Variants in TMEM131 observed in about 807,000 individuals in gnomAD.
The protein encoded by TMEM131 is 2610524E03Rik.
In TMEM131, 66 loss-of-function variants were observed where a neutral mutation model predicts 211.6. The ratio of observed to expected loss-of-function variants is 0.31; its 90% confidence interval spans 0.26 to 0.38. The LOEUF (loss-of-function observed/expected upper bound fraction) is 0.38, where lower values mean the gene tolerates loss of function less well. Among genes scored for constraint, TMEM131 ranks in the 10% least tolerant of loss-of-function variants. The pLI, the probability that TMEM131 is intolerant of heterozygous loss-of-function variation, is 1.00. For missense variants in TMEM131, 2,036 were observed against 2,299.3 expected (o/e 0.89, Z 2.34); for synonymous variants, 844 against 841.3 (o/e 1.00, Z -0.06).
intron 1 of TMEM131, among the ~76,000 whole-genome samples, chr2:97,957,215 A>C (rs1678612048): frequency 6.6e-6 from 1 of 152,210 alleles, no homozygotes; most frequent in Non-Finnish European, 1.5e-5. Flanking sequence ...AAGACACCAA[A>C]TTTGGCAACT....
At chr2:97,893,167 T>A (rs913288510) in intron 3 of TMEM131, among the ~76,000 whole-genome samples, 29 of 152,316 alleles carry the variant, frequency 1.9e-4, no homozygotes, top group African/African-American at 7.0e-4. Flanking sequence ...TTGTGTTAGT[T>A]TGCTGAGAAT....
intron 4 of TMEM131, 45 bp downstream of exon 4, chr2:97,888,007 T>G (rs1306359624): frequency 7.0e-7 from 1 of 1,432,550 alleles, no homozygotes; most frequent in Admixed American, 1.7e-5. Context: ...TAAAATACAT[T>G]TAATAGTTTA....
Position 97,995,701 on chromosome 2 carries a change from C to A in TMEM131, c.-39G>T, listed in dbSNP as rs886529005. 3.4e-6 allele frequency: 4 copies of A among 1,177,006 alleles called. No homozygotes were observed. Among genetic ancestry groups the A allele is most frequent in the South Asian group, 8.4e-5 (2 of 23,838 alleles). The allele number at this position is 1,177,006 out of a possible 1,614,324, so 72.9% of individuals were successfully genotyped here. On this transcript the variant is annotated 5_prime_UTR_variant, in exon 1 of 41. Coordinates refer to ENST00000186436, the MANE Select transcript of TMEM131 (RefSeq NM_015348.2). ...GGGCCGCCGCGCTCGAGGTCCGGCG[C>A]GGCCCTTCTCGGCGAGGCGGCGGCG...
intron 25 of TMEM131, among the ~76,000 whole-genome samples, chr2:97,797,741 G>A (rs1419589712): frequency 6.6e-6 from 1 of 152,216 alleles, no homozygotes; most frequent in African/African-American, 2.4e-5. Context: ...TTCTTCCCCA[G>A]GTCACCAAAT....
At chr2:97,880,674 G>A (rs1674888650) in intron 4 of TMEM131, among the ~76,000 whole-genome samples, 1 of 152,122 alleles carries the variant, frequency 6.6e-6, no homozygotes, top group African/African-American at 2.4e-5. Context: ...TGAGTTTAGT[G>A]TGGTGTTGGA....
chr2:97,828,560 C>CA (rs1682508129), intron 11 of TMEM131, among the ~76,000 whole-genome samples: 1 of 152,196 alleles, frequency 6.6e-6, no homozygotes, highest in Non-Finnish European at 1.5e-5. Flanking sequence ...AAGGATTTCT[C>CA]AGACAGTTTG....
chr2:97,987,363 C>CGTGGTGGCACACACCTGTAGTCCCA (rs1404140458), intron 1 of TMEM131, among the ~76,000 whole-genome samples: 1 of 152,056 alleles, frequency 6.6e-6, no homozygotes, highest in Admixed American at 6.6e-5. Flanking sequence ...ATTAGCTGAG[C>CGTGGTGGCACACACCTGTAGTCCCA]GTGGTGGCAC....
At chr2:97,793,776 C>T (rs934037383) in intron 29 of TMEM131, among the ~76,000 whole-genome samples, 1 of 151,486 alleles carries the variant, frequency 6.6e-6, no homozygotes, top group African/African-American at 2.4e-5. Context: ...GGGTGGATCA[C>T]GAGGTCAGGA....
intron 3 of TMEM131, among the ~76,000 whole-genome samples, chr2:97,895,298 C>T (rs112085565): frequency 0.029 from 4,451 of 152,192 alleles, 81 homozygotes; most frequent in Middle Eastern, 0.065. Flanking sequence ...CTTCTCGCAT[C>T]GATGTTCATT....
At chr2:97,911,786 G>T in intron 2 of TMEM131, 2 of 327,688 alleles carry the variant, frequency 6.1e-6, no homozygotes, top group Non-Finnish European at 8.7e-6. Flanking sequence ...CTCAGAACAT[G>T]CCAACACATC....
rs184948938 is a variant in TMEM131 at position 97,796,301 on chromosome 2, G to A, written c.3117C>T (p.Tyr1039=). The change falls in exon 28 of 41, where the codon TAC becomes TAT. Residue 1039 remains tyrosine, a synonymous_variant. Coordinates refer to ENST00000186436, the MANE Select transcript of TMEM131 (RefSeq NM_015348.2). ...CTTTAAAGCCATATCCTTCACATGAGTATCCACTGATTTCAATGGTTTCTA... is the reference window on the plus strand; with the variant it reads ...CTTTAAAGCCATATCCTTCACATGAATATCCACTGATTTCAATGGTTTCTA... ...IHIETIEISG[Y]SCEGYGFKVV... is the part of the protein sequence containing the mutation. 7 of 1,565,132 alleles carry A rather than the reference G, an allele frequency of 4.5e-6. No homozygotes were observed. Among genetic ancestry groups the A allele is most frequent in the South Asian group, 2.4e-5 (2 of 84,000 alleles).
chr2:97,962,229 C>A (rs186687867), intron 1 of TMEM131, among the ~76,000 whole-genome samples: 1 of 152,144 alleles, frequency 6.6e-6, no homozygotes, highest in East Asian at 1.9e-4. Flanking sequence ...GGCTGCCTGG[C>A]GCAGTGGCTC....
intron 4 of TMEM131, among the ~76,000 whole-genome samples, chr2:97,881,157 G>C (rs932487147): frequency 2.6e-5 from 4 of 152,100 alleles, no homozygotes; most frequent in African/African-American, 9.7e-5. Context: ...ACCCCTCACT[G>C]ATTGCAAGAT....
intron 32 of TMEM131, among the ~76,000 whole-genome samples, chr2:97,774,000 T>C (rs1313167566): frequency 2.0e-5 from 3 of 152,212 alleles, no homozygotes; most frequent in South Asian, 4.1e-4. Context: ...AGGGGAGCTA[T>C]AGGCATGTGG....
chr2:97,876,500 C>A (rs1438209353), intron 4 of TMEM131, among the ~76,000 whole-genome samples: 1 of 152,186 alleles, frequency 6.6e-6, no homozygotes, highest in Non-Finnish European at 1.5e-5. Flanking sequence ...AGCTTATCCA[C>A]CACGATCAAG....
chr2:97,846,243 C>T (rs1683424662), intron 5 of TMEM131, among the ~76,000 whole-genome samples: 1 of 152,150 alleles, frequency 6.6e-6, no homozygotes, highest in African/African-American at 2.4e-5. Flanking sequence ...CACATAAAGA[C>T]TTGAAAAGTA....
intron 4 of TMEM131, among the ~76,000 whole-genome samples, chr2:97,862,552 T>C (rs990665650): frequency 3.9e-5 from 6 of 151,976 alleles, no homozygotes; most frequent in Admixed American, 3.9e-4. Flanking sequence ...TTAAAAACAA[T>C]CAAGCAGAAA....
At chr2:97,851,901 A>G (rs1673640602) in intron 5 of TMEM131, among the ~76,000 whole-genome samples, 1 of 152,234 alleles carries the variant, frequency 6.6e-6, no homozygotes, top group Non-Finnish European at 1.5e-5. Context: ...AGTAAAAGGA[A>G]GGGTTGCACA....
At chr2:97,888,448 A>G (rs1399711915) in intron 3 of TMEM131, among the ~76,000 whole-genome samples, 1 of 152,246 alleles carries the variant, frequency 6.6e-6, no homozygotes, top group Admixed American at 6.5e-5. Context: ...TGATACATGT[A>G]TGATGAATAA....
Sources: gnomAD v4.1 joint callset for allele counts (sites outside exome capture counted in the v4.1 genomes callset) on GRCh38, gnomAD v4.1.1 for gene constraint, MANE v1.5 for transcripts, NCBI Gene and HGNC (gene_info 2026-07-23, HGNC 2026-07-21) for gene names.